ZNF746: variants seen among roughly 807,000 people sequenced by gnomAD.
ZNF746 encodes parkin-interacting substrate.
Under a neutral mutation model 41.0 loss-of-function variants are expected in ZNF746, and 13 were observed. The observed-to-expected ratio is 0.32, with a 90% confidence interval of 0.21 to 0.50. ZNF746 has a LOEUF of 0.50. Ranked by LOEUF, ZNF746 falls within the 20% of genes least tolerant of loss-of-function variation. ZNF746 has a pLI of 0.98. For missense variants in ZNF746, 811 were observed against 922.9 expected, an observed-to-expected ratio of 0.88 and a Z score of 1.57; for synonymous variants, 424 against 396.2, an observed-to-expected ratio of 1.07 and a Z score of -0.83.
chr7:149,486,628 T>G (rs1800633552), intron 4 of ZNF746, among the ~76,000 whole-genome samples: 2 of 152,218 alleles, frequency 1.3e-5, no homozygotes, highest in Admixed American at 6.5e-5. Context: ...TGTGGTATGA[T>G]TCCATTTACA....
At chr7:149,482,148 T>TA (rs1445183525) in intron 4 of ZNF746, among the ~76,000 whole-genome samples, 2 of 152,330 alleles carry the variant, frequency 1.3e-5, no homozygotes, top group African/African-American at 4.8e-5. Flanking sequence ...ATTTTATCCT[T>TA]ACAGCACATT....
At chr7:149,476,784 G>C in intron 6 of ZNF746, 138 bp downstream of exon 6, 1 of 1,153,616 alleles carries the variant, frequency 8.7e-7, no homozygotes, top group Middle Eastern at 2.9e-4. Flanking sequence ...AATGTGCAAA[G>C]GGTCATAAGA....
At chr7:149,475,538 A>G in intron 6 of ZNF746, 55 bp from the exon 7 acceptor site, 1 of 1,547,438 alleles carries the variant, frequency 6.5e-7, no homozygotes, top group South Asian at 1.2e-5. Context: ...TGAGCGAGCC[A>G]CGATCTGCCA....
chr7:149,494,253 T>A lies in ZNF746; in HGVS notation c.275A>T (p.Asn92Ile). 1 of 1,614,068 alleles carries A rather than the reference T, an allele frequency of 6.2e-7. No individual in the cohort carries two copies. The highest frequency in any genetic ancestry group is 8.5e-7 in the Non-Finnish European group (1 of 1,179,990). Reference sequence around the variant, plus strand: ...CGGGGGCAGCCGCAGGATCCAGAAGTTCCTGTTGCGCAGCAGGTTCTCCAC... The same window carrying A: ...CGGGGGCAGCCGCAGGATCCAGAAGATCCTGTTGCGCAGCAGGTTCTCCAC... ...ENVENLLRNR[N>I]FWILRLPPGS... Residue 92 changes from asparagine to isoleucine, a missense_variant, in exon 2 of 7, where the codon AAC (asparagine) becomes ATC (isoleucine). This residue lies in a region of ZNF746 where 147 missense variants were observed against 233.4 expected (regional missense o/e 0.63). Transcript: ENST00000458143. The surrounding 1 kb of genome is among the most constrained non-coding windows in gnomAD (Gnocchi z 5.6).
At chr7:149,480,790 T>C (rs1444204901) in intron 4 of ZNF746, among the ~76,000 whole-genome samples, 4 of 152,174 alleles carry the variant, frequency 2.6e-5, no homozygotes, top group East Asian at 1.9e-4. Context: ...ATGGAAATGA[T>C]TGAATGGTGA....
rs1446403969 is a variant in ZNF746, at chr7:149,474,839, C to T, written c.1528G>A (p.Gly510Ser). The T allele has an allele frequency of 1.4e-6, 2 of 1,412,614 alleles. No homozygotes were observed. The highest frequency in any genetic ancestry group is 2.9e-5 in the East Asian group (1 of 33,952). The allele number at this position is 1,412,614 out of a possible 1,614,324, so 87.5% of individuals were successfully genotyped here. A position where few individuals can be genotyped will look rare whatever the true frequency, so the allele number is the denominator to read the frequency against. ...GTGGGGSGSGGGGGGSGGGSA... is the reference protein window; with the variant it reads ...GTGGGGSGSGSGGGGSGGGSA... ...CCCCCACCGCTGCCGCCACCGCCGC[C>T]GCCACTGCCGCTGCCGCCACCGCCT... Residue 510 changes from glycine (G) to serine (S), a missense_variant, in exon 7 of 7, where the codon GGC (glycine) becomes AGC (serine). Coordinates refer to ENST00000458143, the MANE Select transcript of ZNF746 (RefSeq NM_001394198.1). The surrounding 1 kb of genome is among the most constrained non-coding windows in gnomAD (Gnocchi z 6.3).
chr7:149,476,491 G>C (rs1160642217), intron 6 of ZNF746, among the ~76,000 whole-genome samples: 3 of 152,124 alleles, frequency 2.0e-5, no homozygotes, highest in Non-Finnish European at 4.4e-5. Context: ...GAAGTAAACA[G>C]AAAGCTAACA....
intron 4 of ZNF746, among the ~76,000 whole-genome samples, chr7:149,479,229 T>C (rs563006021): frequency 1.4e-4 from 21 of 152,310 alleles, no homozygotes; most frequent in African/African-American, 5.1e-4. Context: ...ACAACATTCA[T>C]GTGAAATGGA....
intron 4 of ZNF746, chr7:149,488,687 T>G (rs1001060575): frequency 1.3e-5 from 2 of 152,118 alleles, no homozygotes; most frequent in Non-Finnish European, 2.9e-5. Context: ...AAAAATGTAA[T>G]TATGGAAACT....
Position 149,474,807 on chromosome 7 carries a change from T to G in ZNF746, c.1560A>C (p.Ala520=), listed in dbSNP as rs9770094. Residue 520 remains alanine, a synonymous_variant, in exon 7 of 7, where the codon GCA becomes GCC. Transcript: ENST00000458143. This position sits in a 1 kb window ranked among gnomAD's most constrained non-coding sequence, Gnocchi z 6.3. The stretch of plus-strand genomic sequence containing the variant: ...CACACCGAAGGGCGCTGCCATCCCG[T>G]GCGCTGCCCCCACCGCTGCCGCCAC... ...GGGGGSGGGS[A]RDGSALRCGE... is the part of the protein sequence containing the mutation. 692 of 1,501,254 alleles carry G rather than the reference T, an allele frequency of 4.6e-4. 1 individual carries two copies. The African/African-American group carries it at 8.9e-3, about 19-fold the overall frequency. 93.0% of individuals were successfully genotyped at this position (1,501,254 alleles called of 1,614,324 possible).
chr7:149,496,294 G>A (rs1018593923), intron 1 of ZNF746, among the ~76,000 whole-genome samples: 3 of 152,228 alleles, frequency 2.0e-5, no homozygotes, highest in African/African-American at 7.2e-5. Context: ...ACACTATGTG[G>A]TGGGAGGTGG....
intron 4 of ZNF746, among the ~76,000 whole-genome samples, chr7:149,481,540 C>T (rs1293304893): frequency 2.0e-5 from 3 of 152,230 alleles, no homozygotes; most frequent in Non-Finnish European, 2.9e-5. Flanking sequence ...ATGTGGAATA[C>T]ATAAATACAG....
intron 4 of ZNF746, among the ~76,000 whole-genome samples, chr7:149,487,327 T>C (rs925602691): frequency 1.3e-5 from 2 of 152,332 alleles, no homozygotes; most frequent in East Asian, 3.9e-4. Flanking sequence ...ATATAACACT[T>C]GTTCACAATA....
chr7:149,477,403 A>G (rs1408250678), intron 5 of ZNF746, among the ~76,000 whole-genome samples, 161 bp downstream of exon 5: 2 of 152,096 alleles, frequency 1.3e-5, no homozygotes, highest in East Asian at 1.9e-4. Flanking sequence ...GGCTCGAGAC[A>G]AGTCCTTTAG....
At position 149,492,968 on chromosome 7, in the gene ZNF746, G is replaced by A. The variant is rs111256184; in HGVS notation, c.456C>T (p.Tyr152=). 11,319 of 1,611,084 alleles carry A rather than the reference G, an allele frequency of 7.0e-3. 78 individuals are homozygous for A. Among genetic ancestry groups the A allele is most frequent in the Middle Eastern group, 0.018 (108 of 6,050 alleles). Residue 152 remains tyrosine, a synonymous_variant, in exon 4 of 7, where the codon TAC becomes TAT. Transcript: ENST00000458143. ...GNYETLVSLD[Y]AISKPEVLSQ... ...AGAGGACCTCGGGCTTGGAGATGGC[G>A]TAGTCTGAGGAAAGACAGAAGGTTA...
Position 149,473,035 on chromosome 7 carries a change from A to G in ZNF746, c.*1349T>C, listed in dbSNP as rs1240665776. The G allele has an allele frequency of 1.3e-5, 2 of 152,122 alleles. No homozygotes were observed. Among genetic ancestry groups the G allele is most frequent in the Admixed American group, 6.5e-5 (1 of 15,270 alleles). The allele number at this position is 152,122 out of a possible 1,614,324, so 9.4% of individuals were successfully genotyped here. A position where few individuals can be genotyped will look rare whatever the true frequency, so the allele number is the denominator to read the frequency against. On this transcript the variant is annotated 3_prime_UTR_variant, in exon 7 of 7. Transcript: ENST00000458143. Reference sequence around the variant, plus strand: ...GGCTGCTTCAACAAAACAGGAATGGATATTTGTGTGGTAGGAACAGCACTG... The same window carrying G: ...GGCTGCTTCAACAAAACAGGAATGGGTATTTGTGTGGTAGGAACAGCACTG...
chr7:149,489,805 C>A (rs1002309212), intron 4 of ZNF746: 1 of 153,124 alleles, frequency 6.5e-6, no homozygotes, highest in South Asian at 2.1e-4. Flanking sequence ...GACGGGCCTA[C>A]GTGGCAGAGT....
At chr7:149,491,838 C>A in intron 4 of ZNF746, 1 of 700,864 alleles carries the variant, frequency 1.4e-6, no homozygotes, top group South Asian at 1.5e-5. Context: ...TCTCCCTAGT[C>A]AAATGACCCA....
At chr7:149,491,857 T>C (rs1159727522) in intron 4 of ZNF746, 6 of 700,954 alleles carry the variant, frequency 8.6e-6, no homozygotes, top group Non-Finnish European at 1.6e-5. Flanking sequence ...CAGCAGGTCT[T>C]CACTTTAGGA....
Sources: gnomAD v4.1 joint callset for allele counts (sites outside exome capture counted in the v4.1 genomes callset) on GRCh38, gnomAD v4.1.1 for gene constraint, gnomAD v4.1.1 regional missense constraint, Gnocchi (gnomAD v3.1) non-coding constraint, MANE v1.5 for transcripts, NCBI Gene and HGNC (gene_info 2026-07-23, HGNC 2026-07-21) for gene names.